Variants in MCOLN2 observed in about 807,000 individuals in gnomAD.
MCOLN2 encodes the protein mucolipin TRP cation channel 2.
In MCOLN2, 57 loss-of-function variants were observed where a neutral mutation model predicts 67.5. The observed-to-expected ratio is 0.84, with a 90% confidence interval of 0.68 to 1.05. The LOEUF (loss-of-function observed/expected upper bound fraction) is 1.05. Among genes scored for constraint, MCOLN2 ranks in the 50% least tolerant of loss-of-function variants. MCOLN2 has a pLI of 0.00. For synonymous variants in MCOLN2, 246 were observed against 233.3 expected, an observed-to-expected ratio of 1.05 and a Z score of -0.50; for missense variants, 620 against 678.8, an observed-to-expected ratio of 0.91 and a Z score of 0.96.
chr1:84,928,886 G>GA (rs949452919), intron 13 of MCOLN2, among the ~76,000 whole-genome samples: 3 of 152,062 alleles, frequency 2.0e-5, no homozygotes, highest in African/African-American at 2.4e-5. Context: ...CTTCCAAAAA[G>GA]AAAAAACATA....
chr1:84,959,157 T>C (rs1470393307), intron 2 of MCOLN2, among the ~76,000 whole-genome samples: 3 of 152,336 alleles, frequency 2.0e-5, no homozygotes, highest in East Asian at 3.9e-4. Context: ...TTTTGAAAAG[T>C]AGCCTACATA....
chr1:84,929,638 T>A lies in MCOLN2; in HGVS notation c.1584A>T (p.Glu528Asp). ...CTTTGCTACTGCATTCCTTCAGGAA[T>A]TCCTGCAAATCCGTTTCAGGAAACC... is the stretch of plus-strand genomic sequence containing the variant. Reference protein sequence around the residue: ...QNGFPETDLQEFLKECSSKEE... With the variant: ...QNGFPETDLQDFLKECSSKEE... Residue 528 changes from glutamate (E) to aspartate (D), a missense_variant, in exon 13 of 14, where the codon GAA becomes GAT. Transcript: ENST00000370608. The A allele has an allele frequency of 6.2e-7, 1 of 1,613,870 alleles. No homozygotes were observed. The highest frequency in any genetic ancestry group is 8.5e-7 in the Non-Finnish European group (1 of 1,179,826).
At chr1:84,930,403 C>T (rs911029633) in intron 12 of MCOLN2, among the ~76,000 whole-genome samples, 1 of 151,972 alleles carries the variant, frequency 6.6e-6, no homozygotes, top group African/African-American at 2.4e-5. Context: ...GGAAGTTGGT[C>T]GCTTAGTGGA....
chr1:84,928,127 A>T (rs1188618032), intron 13 of MCOLN2, among the ~76,000 whole-genome samples: 2 of 152,112 alleles, frequency 1.3e-5, no homozygotes, highest in African/African-American at 4.8e-5. Flanking sequence ...TTCACTCAGG[A>T]CCATCGTTTG....
At chr1:84,957,002 C>T (rs899615615) in intron 3 of MCOLN2, among the ~76,000 whole-genome samples, 1 of 152,154 alleles carries the variant, frequency 6.6e-6, no homozygotes, top group Non-Finnish European at 1.5e-5. Flanking sequence ...ACTCCTTCAG[C>T]TCTCAATTCC....
At chr1:84,935,099 T>C (rs1647347905) in intron 11 of MCOLN2, among the ~76,000 whole-genome samples, 1 of 152,180 alleles carries the variant, frequency 6.6e-6, no homozygotes, top group South Asian at 2.1e-4. Flanking sequence ...AACCTGAAAG[T>C]CCTCTGATTC....
intron 1 of MCOLN2, among the ~76,000 whole-genome samples, chr1:84,983,896 C>A (rs1464504013): frequency 6.6e-6 from 1 of 151,446 alleles, no homozygotes; most frequent in Non-Finnish European, 1.5e-5. Flanking sequence ...AAGCTGGTCT[C>A]GATCTCCTGA....
At position 84,996,780 on chromosome 1, in the gene MCOLN2, A is replaced by C. The variant is rs978946021; in HGVS notation, c.77+16T>G. 3.1e-6 allele frequency: 5 copies of C among 1,610,956 alleles called. No individual in the cohort carries two copies. The highest frequency in any genetic ancestry group is 1.7e-5 in the Admixed American group (1 of 60,004). ...TCCAGTCCAGCATCCTGAAAGATGA[A>C]GCCCAGACTCCTCACCTGACGGTTA... On this transcript the variant is annotated intron_variant, in intron 1 of 13. Coordinates refer to ENST00000370608, the MANE Select transcript of MCOLN2 (RefSeq NM_153259.4).
intron 7 of MCOLN2, among the ~76,000 whole-genome samples, chr1:84,944,871 C>G (rs1648004502): frequency 6.6e-6 from 1 of 152,184 alleles, no homozygotes; most frequent in Non-Finnish European, 1.5e-5. Context: ...CGCCCTTGTC[C>G]TTGCCCACTT....
intron 2 of MCOLN2, among the ~76,000 whole-genome samples, chr1:84,959,634 T>A (rs1648974443): frequency 6.6e-6 from 1 of 152,260 alleles, no homozygotes; most frequent in African/African-American, 2.4e-5. Flanking sequence ...GTGACGGTAG[T>A]CAAATCTCTA....
At chr1:84,987,308 A>G (rs1274518355) in intron 1 of MCOLN2, among the ~76,000 whole-genome samples, 2 of 145,738 alleles carry the variant, frequency 1.4e-5, no homozygotes, top group Non-Finnish European at 3.0e-5. Context: ...AGATACATAT[A>G]CATCTATATG....
chr1:84,968,334 G>A (rs1649484498), intron 1 of MCOLN2, among the ~76,000 whole-genome samples: 1 of 152,148 alleles, frequency 6.6e-6, no homozygotes, highest in Non-Finnish European at 1.5e-5. Flanking sequence ...GGTTCTGGAG[G>A]ACCCAGACTG....
At chr1:84,939,210 G>T (rs1647606590) in intron 9 of MCOLN2, among the ~76,000 whole-genome samples, 1 of 152,156 alleles carries the variant, frequency 6.6e-6, no homozygotes. Flanking sequence ...GCACCCAATG[G>T]TCACAGATCC....
At chr1:84,944,077 A>G (rs1359970595) in intron 7 of MCOLN2, among the ~76,000 whole-genome samples, 2 of 152,180 alleles carry the variant, frequency 1.3e-5, no homozygotes, top group Non-Finnish European at 2.9e-5. Context: ...TAAAACTAGA[A>G]CACAAATCTC....
intron 2 of MCOLN2, among the ~76,000 whole-genome samples, chr1:84,962,298 C>A (rs1161672386): frequency 6.6e-6 from 1 of 152,138 alleles, no homozygotes; most frequent in Non-Finnish European, 1.5e-5. Flanking sequence ...GTAATCCCAG[C>A]CCTTTGGGAG....
chr1:84,931,692 G>A, intron 11 of MCOLN2, 124 bp from the exon 12 acceptor site: 1 of 788,040 alleles, frequency 1.3e-6, no homozygotes, highest in South Asian at 1.7e-5. Flanking sequence ...CTTATTTTAA[G>A]ATGCTAGAAC....
rs893981906 is a variant in MCOLN2 at position 84,958,517 on chromosome 1, C to A, written c.411+12G>T. The A allele has an allele frequency of 6.3e-7, 1 of 1,593,906 alleles. No homozygotes were observed. Among genetic ancestry groups the A allele is most frequent in the East Asian group, 2.3e-5 (1 of 44,132 alleles). ...TTGTTAAAGTATAGGTCATTCACAA[C>A]AAAACACTTGCCTGATTAATAGCAA... On this transcript the variant is annotated intron_variant, in intron 3 of 13. Transcript: ENST00000370608.
In MCOLN2 at chr1:84,965,802, A is replaced by G; in HGVS notation, c.78-94T>C. On this transcript the variant is annotated intron_variant, in intron 1 of 13. Coordinates refer to ENST00000370608, the MANE Select transcript of MCOLN2 (RefSeq NM_153259.4). Reference sequence around the variant, plus strand: ...TTTCCCTAAACTTGAGTTGGTACATATGGCATGTCATATACTGAAAAGCCT... The same window carrying G: ...TTTCCCTAAACTTGAGTTGGTACATGTGGCATGTCATATACTGAAAAGCCT... 2.8e-6 allele frequency: 3 copies of G among 1,074,898 alleles called. No individual in the cohort carries two copies. The South Asian group carries it at 4.6e-5, about 16-fold the overall frequency. 66.6% of individuals were successfully genotyped at this position (1,074,898 alleles called of 1,614,324 possible). A position where few individuals can be genotyped will look rare whatever the true frequency, so the allele number is the denominator to read the frequency against.
At chr1:84,939,478 G>C (rs1647622945) in intron 9 of MCOLN2, 75 bp downstream of exon 9, 3 of 1,435,976 alleles carry the variant, frequency 2.1e-6, no homozygotes, top group Non-Finnish European at 2.9e-6. Flanking sequence ...GTCTCCAAAG[G>C]ATGGTACGTC....
Sources: allele counts gnomAD v4.1 joint callset (sites outside exome capture counted in the v4.1 genomes callset), GRCh38; gene constraint gnomAD v4.1.1; transcripts MANE v1.5; gene names NCBI Gene and HGNC (gene_info 2026-07-23, HGNC 2026-07-21).